Variants in CMIP observed in about 807,000 individuals in gnomAD.
CMIP encodes the protein c-Maf inducing protein.
CMIP carries 13 observed loss-of-function variants against 97.3 expected under a neutral mutation model. The observed-to-expected ratio is 0.13, with a 90% confidence interval of 0.09 to 0.21. CMIP has a LOEUF of 0.21. Among genes scored for constraint, CMIP ranks in the 10% least tolerant of loss-of-function variants. The probability of loss-of-function intolerance (pLI) is 1.00; values close to 1 mark genes in which losing one functional copy is unlikely to be tolerated. For missense variants in CMIP, 847 were observed against 1,024.9 expected (o/e 0.83, Z 2.37); for synonymous variants, 538 against 436.3 (o/e 1.23, Z -2.91).
intron 3 of CMIP, among the ~76,000 whole-genome samples, chr16:81,641,271 C>A (rs2150988897): frequency 6.6e-6 from 1 of 152,234 alleles, no homozygotes; most frequent in Non-Finnish European, 1.5e-5. Context: ...TTTTCATTCT[C>A]CCCACTGCCT....
At chr16:81,501,966 C>G (rs1015301648) in intron 1 of CMIP, among the ~76,000 whole-genome samples, 1 of 152,226 alleles carries the variant, frequency 6.6e-6, no homozygotes, top group African/African-American at 2.4e-5. Flanking sequence ...GAAATGGCAA[C>G]AATCCTGGGG....
At chr16:81,645,720 G>T in intron 3 of CMIP, 2 of 1,199,506 alleles carry the variant, frequency 1.7e-6, no homozygotes, top group East Asian at 5.1e-5. Flanking sequence ...GTGGGGCTTG[G>T]GCTCGGATGT....
At chr16:81,636,145 C>T (rs187020732) in intron 3 of CMIP, among the ~76,000 whole-genome samples, 70 of 151,706 alleles carry the variant, frequency 4.6e-4, no homozygotes, top group Middle Eastern at 3.4e-3. Context: ...GGTGTGCGGG[C>T]CATGAGCCTT....
chr16:81,469,410 A>G (rs1213151782), intron 1 of CMIP, among the ~76,000 whole-genome samples: 1 of 152,222 alleles, frequency 6.6e-6, no homozygotes, highest in African/African-American at 2.4e-5. Flanking sequence ...TACCAACTCC[A>G]TGGGCTTCTG....
intron 9 of CMIP, among the ~76,000 whole-genome samples, chr16:81,675,292 C>G (rs1195181142): frequency 1.3e-5 from 2 of 152,150 alleles, no homozygotes; most frequent in Non-Finnish European, 2.9e-5. Context: ...CAACCTCTGC[C>G]TCCTGTCTTC....
At chr16:81,592,499 C>T (rs1410530920) in intron 1 of CMIP, among the ~76,000 whole-genome samples, 1 of 152,218 alleles carries the variant, frequency 6.6e-6, no homozygotes, top group Non-Finnish European at 1.5e-5. Context: ...GCCCTTTGTA[C>T]CGGACCCTCC....
At chr16:81,539,775 C>T (rs1265400147) in intron 1 of CMIP, among the ~76,000 whole-genome samples, 1 of 152,232 alleles carries the variant, frequency 6.6e-6, no homozygotes. Flanking sequence ...TTCAGTGCCA[C>T]CTCCACTGGA....
chr16:81,590,555 A>T (rs535209913), intron 1 of CMIP, among the ~76,000 whole-genome samples: 2 of 152,058 alleles, frequency 1.3e-5, no homozygotes, highest in Non-Finnish European at 2.9e-5. Flanking sequence ...TCTTTTAGGG[A>T]TGGGCCCAAG....
intron 5 of CMIP, among the ~76,000 whole-genome samples, 186 bp from the exon 6 acceptor site, chr16:81,660,698 A>G (rs978761873): frequency 3.3e-5 from 5 of 151,840 alleles, no homozygotes; most frequent in African/African-American, 9.7e-5. Context: ...ACAGACAGAT[A>G]CGGTTGTGGA....
At chr16:81,625,008 T>C (rs1157042409) in intron 3 of CMIP, among the ~76,000 whole-genome samples, 1 of 152,238 alleles carries the variant, frequency 6.6e-6, no homozygotes, top group Non-Finnish European at 1.5e-5. Context: ...TAGGTTCTGT[T>C]CTTATCAACA....
chr16:81,510,894 A>AT (rs1597489584), intron 1 of CMIP, among the ~76,000 whole-genome samples: 1 of 151,944 alleles, frequency 6.6e-6, no homozygotes, highest in African/African-American at 2.4e-5. Flanking sequence ...TAACTTTTAT[A>AT]TTTTTAGTAG....
chr16:81,620,738 C>G (rs1334739376), intron 2 of CMIP, 138 bp from the exon 3 acceptor site: 1 of 979,070 alleles, frequency 1.0e-6, no homozygotes, highest in Admixed American at 2.4e-5. Flanking sequence ...CTTAGCATAT[C>G]TTTCAGCAGG....
intron 1 of CMIP, among the ~76,000 whole-genome samples, chr16:81,580,405 G>A (rs898585821): frequency 6.6e-6 from 1 of 151,724 alleles, no homozygotes; most frequent in Non-Finnish European, 1.5e-5. Flanking sequence ...TTTATTTTGG[G>A]TTTGTTTTCT....
chr16:81,462,869 C>T (rs1013077565), intron 1 of CMIP, among the ~76,000 whole-genome samples: 10 of 152,198 alleles, frequency 6.6e-5, no homozygotes, highest in African/African-American at 2.2e-4. Flanking sequence ...TGGGCTGCCT[C>T]ACCTCCCTGA....
intron 5 of CMIP, among the ~76,000 whole-genome samples, chr16:81,660,404 C>T (rs1229550249): frequency 6.6e-6 from 1 of 151,976 alleles, no homozygotes; most frequent in African/African-American, 2.4e-5. Flanking sequence ...TCCCGAGTAG[C>T]TGGGATTACA....
At chr16:81,661,061 C>A in intron 6 of CMIP, 115 bp downstream of exon 6, 1 of 1,287,284 alleles carries the variant, frequency 7.8e-7, no homozygotes. Context: ...CGTCTTGGGT[C>A]ACGGTCCCAG....
At chr16:81,650,922 G>A (rs750130686) in intron 3 of CMIP, among the ~76,000 whole-genome samples, 5 of 152,156 alleles carry the variant, frequency 3.3e-5, no homozygotes, top group South Asian at 2.1e-4. Flanking sequence ...AGAAGTAACC[G>A]TTCCACTTGG....
chr16:81,515,475 A>G (rs1013189799), intron 1 of CMIP, among the ~76,000 whole-genome samples: 8 of 152,186 alleles, frequency 5.3e-5, no homozygotes, highest in Non-Finnish European at 1.0e-4. Flanking sequence ...CTTCTGTTTC[A>G]GAGAACGCAC....
intron 1 of CMIP, among the ~76,000 whole-genome samples, chr16:81,562,506 T>C (rs2090902837): frequency 6.6e-6 from 1 of 152,262 alleles, no homozygotes; most frequent in East Asian, 1.9e-4. Flanking sequence ...GCTGCGGGCC[T>C]CTTGGACCAG....
Sources: gnomAD v4.1 joint callset for allele counts (sites outside exome capture counted in the v4.1 genomes callset) on GRCh38, gnomAD v4.1.1 for gene constraint, MANE v1.5 for transcripts, NCBI Gene and HGNC (gene_info 2026-07-23, HGNC 2026-07-21) for gene names.